The following CCDC141 variants were observed in gnomAD, a reference collection of about 807,000 sequenced individuals.
CCDC141 encodes coiled-coil domain-containing protein 141.
CCDC141 carries 168 observed loss-of-function variants against 181.0 expected under a neutral mutation model. The observed-to-expected ratio is 0.93, with a 90% CI of 0.82 to 1.05. The LOEUF is 1.05. Among genes scored for constraint, CCDC141 ranks in the 50% least tolerant of loss-of-function variants. The probability of loss-of-function intolerance (pLI) is 0.00; values close to 1 mark genes in which losing one functional copy is unlikely to be tolerated. For missense variants in CCDC141, 1,902 were observed against 1,788.5 expected (o/e 1.06, Z -1.14); for synonymous variants, 666 against 642.3 (o/e 1.04, Z -0.56).
chr2:178,941,731 T>C (rs1689520103), intron 6 of CCDC141, among the ~76,000 whole-genome samples: 1 of 151,042 alleles, frequency 6.6e-6, no homozygotes, highest in Admixed American at 6.6e-5. Flanking sequence ...GGTGGGAGGA[T>C]CACTTGAGGC....
chr2:179,025,765 GT>G (rs1460998247), intron 2 of CCDC141, among the ~76,000 whole-genome samples: 2 of 152,202 alleles, frequency 1.3e-5, no homozygotes, highest in Non-Finnish European at 2.9e-5. Flanking sequence ...ATGTAGGACA[GT>G]TTAGAACTTC....
chr2:178,918,841 C>T lies in CCDC141; in HGVS notation c.964G>A (p.Val322Met), dbSNP rs556756118. ...GAGAGCTGGAGGTGTTCTTTCTCCA[C>T]GTAGTCCTTTGACAGCAGAATTCTC... The part of the protein sequence containing the change: ...ALRILLSKDY[V>M]EKEHLQLSHQ... Residue 322 changes from valine to methionine, a missense_variant, in exon 7 of 24, where the codon GTG becomes ATG. Coordinates refer to ENST00000443758, the MANE Select transcript of CCDC141 (RefSeq NM_173648.4). 20 of 1,550,594 alleles carry T rather than the reference C, an allele frequency of 1.3e-5. No individual in the cohort carries two copies. The highest frequency in any genetic ancestry group is 2.4e-5 in the East Asian group (1 of 40,926).
At chr2:179,015,065 GAGAT>G (rs200290016) in intron 2 of CCDC141, among the ~76,000 whole-genome samples, 1,843 of 10,916 alleles carry the variant, frequency 0.17, 167 homozygotes, top group Non-Finnish European at 0.26. Context: ...GAGAGAGACA[GAGAT>G]ATATATATAT....
At chr2:178,984,776 T>C (rs1243160531) in intron 2 of CCDC141, among the ~76,000 whole-genome samples, 4 of 151,758 alleles carry the variant, frequency 2.6e-5, no homozygotes, top group African/African-American at 9.7e-5. Flanking sequence ...CTATCCTAAA[T>C]ATATATGCAC....
intron 5 of CCDC141, among the ~76,000 whole-genome samples, chr2:178,960,340 TAAG>T (rs2154378867): frequency 6.6e-6 from 1 of 152,304 alleles, no homozygotes; most frequent in Admixed American, 6.5e-5. Flanking sequence ...CAGCTTGAAA[TAAG>T]AACCAGTTTC....
intron 8 of CCDC141, among the ~76,000 whole-genome samples, chr2:178,904,430 C>T (rs1687862737): frequency 6.6e-6 from 1 of 152,166 alleles, no homozygotes; most frequent in South Asian, 2.1e-4. Flanking sequence ...CACCTTTAAA[C>T]TCGTCTAAAA....
chr2:178,986,291 A>G (rs1691730310), intron 2 of CCDC141, among the ~76,000 whole-genome samples: 2 of 152,174 alleles, frequency 1.3e-5, no homozygotes, highest in South Asian at 4.1e-4. Context: ...AACTCTCAAT[A>G]AATTAGGTAT....
At chr2:178,906,870 T>C (rs1223282102) in intron 7 of CCDC141, among the ~76,000 whole-genome samples, 1 of 152,014 alleles carries the variant, frequency 6.6e-6, no homozygotes. Context: ...GGTACACAAA[T>C]GCGCTCATGC....
At chr2:178,959,603 A>G (rs1690309313) in intron 5 of CCDC141, among the ~76,000 whole-genome samples, 1 of 152,168 alleles carries the variant, frequency 6.6e-6, no homozygotes, top group Non-Finnish European at 1.5e-5. Flanking sequence ...GCTTTGGGGA[A>G]TGAGCATGTG....
intron 17 of CCDC141, among the ~76,000 whole-genome samples, chr2:178,860,818 G>A (rs1276227822): frequency 6.6e-6 from 1 of 151,942 alleles, no homozygotes; most frequent in Non-Finnish European, 1.5e-5. Context: ...GTCTTAAATT[G>A]TAGGTAGCAA....
intron 2 of CCDC141, among the ~76,000 whole-genome samples, chr2:179,046,620 A>C (rs2043506644): frequency 6.6e-6 from 1 of 152,224 alleles, no homozygotes; most frequent in South Asian, 2.1e-4. Context: ...AGTGAATAAA[A>C]AACACCATGA....
chr2:178,944,726 C>T (rs945784648), intron 5 of CCDC141, 75 bp from the exon 6 acceptor site: 2 of 523,542 alleles, frequency 3.8e-6, no homozygotes, highest in Non-Finnish European at 6.5e-6. Context: ...GAAATAGTCC[C>T]TCAACCTTTC....
chr2:178,976,290 A>T (rs1278107180), intron 3 of CCDC141, among the ~76,000 whole-genome samples: 1 of 152,194 alleles, frequency 6.6e-6, no homozygotes, highest in African/African-American at 2.4e-5. Context: ...AAAGTATCAG[A>T]CATAGAAGCT....
intron 2 of CCDC141, among the ~76,000 whole-genome samples, chr2:178,997,209 C>G (rs1371722628): frequency 5.3e-5 from 8 of 152,136 alleles, no homozygotes; most frequent in Admixed American, 5.2e-4. Context: ...GTTAGGAAGG[C>G]CTTGTGGTTC....
Position 178,905,389 on chromosome 2 carries a change from T to C in CCDC141, c.1205A>G (p.Asp402Gly), listed in dbSNP as rs190463110. The C allele has an allele frequency of 5.2e-6, 8 of 1,550,746 alleles. No homozygotes were observed. The Admixed American group carries it at 1.6e-4, about 30-fold the overall frequency. The change falls in exon 8 of 24, where the codon GAC becomes GGC. Residue 402 changes from aspartate to glycine, a missense_variant. Transcript: ENST00000443758. ...CTTTTGCAAAGCATCAGTTGTGCAG[T>C]CTTTAATTTTTCTGTGTAATTCCTC... ...RHEELHRKIK[D>G]CTTDALQKGQ...
At chr2:178,973,609 A>C in intron 4 of CCDC141, among the ~76,000 whole-genome samples, 1 of 152,170 alleles carries the variant, frequency 6.6e-6, no homozygotes, top group Admixed American at 6.6e-5. Context: ...AGCAACAACA[A>C]AACAGCATTA....
chr2:178,936,933 G>A (rs568076468), intron 6 of CCDC141, among the ~76,000 whole-genome samples: 1 of 152,222 alleles, frequency 6.6e-6, no homozygotes, highest in East Asian at 1.9e-4. Flanking sequence ...AATTATTTCT[G>A]TACATTGATT....
intron 6 of CCDC141, 54 bp from the exon 7 acceptor site, chr2:178,918,961 G>T: frequency 2.8e-6 from 4 of 1,442,192 alleles, no homozygotes; most frequent in Non-Finnish European, 3.7e-6. Context: ...TGGACCGAAT[G>T]CTTGTGTCCC....
chr2:178,978,436 T>A (rs750258056), intron 3 of CCDC141, 48 bp downstream of exon 3: 174 of 1,194,976 alleles, frequency 1.5e-4, no homozygotes, highest in Non-Finnish European at 1.8e-4. Context: ...AGGAGTGCTA[T>A]TCATTTGCTC....
Sources: gnomAD v4.1 joint callset for allele counts (sites outside exome capture counted in the v4.1 genomes callset) on GRCh38, gnomAD v4.1.1 for gene constraint, MANE v1.5 for transcripts, NCBI Gene and HGNC (gene_info 2026-07-23, HGNC 2026-07-21) for gene names.